TOM1L2: variants seen among roughly 807,000 people sequenced by gnomAD.
The protein encoded by TOM1L2 is TOM1-like protein 2.
A neutral mutation model predicts 67.9 loss-of-function variants in TOM1L2; 31 were observed. That is an observed-to-expected ratio of 0.46 (90% CI 0.34 to 0.62). TOM1L2 has a LOEUF of 0.62. TOM1L2 is among the 20% of genes least tolerant of loss of function. TOM1L2 has a pLI of 0.01. For synonymous variants in TOM1L2, 256 were observed against 254.0 expected (o/e 1.01, Z -0.07); for missense variants, 606 against 663.5 (o/e 0.91, Z 0.95).
intron 1 of TOM1L2, among the ~76,000 whole-genome samples, chr17:17,953,377 GAATT>G (rs2144923297): frequency 6.6e-6 from 1 of 152,344 alleles, no homozygotes; most frequent in South Asian, 2.1e-4. Flanking sequence ...CCTTGAGCAT[GAATT>G]AATCAGGAAG....
chr17:17,866,264 G>C (rs1315912537), intron 10 of TOM1L2, 32 bp downstream of exon 10: 2 of 1,599,322 alleles, frequency 1.3e-6, no homozygotes, highest in African/African-American at 2.7e-5. Context: ...GTAGGAAGTA[G>C]GTAGGCCCTT....
chr17:17,915,780 C>G (rs59948477), intron 1 of TOM1L2, among the ~76,000 whole-genome samples: 6,014 of 151,996 alleles, frequency 0.04, 423 homozygotes, highest in African/African-American at 0.14. Flanking sequence ...CCTTGGCCCC[C>G]CAAAGTACTA....
At position 17,844,052 on chromosome 17, in the gene TOM1L2, A is replaced by G. The variant is rs2236513; in HGVS notation, c.*3583T>C. On this transcript the variant is annotated 3_prime_UTR_variant, in exon 15 of 15. Transcript: ENST00000379504. The stretch of plus-strand genomic sequence containing the variant: ...AACCCAAGTGGGTGAGACGTCCCCA[A>G]AGCCGACAGTGCAGAAGCTCCCAGG... The G allele has an allele frequency of 6.6e-6, 1 of 152,266 alleles. No individual in the cohort carries two copies. The highest frequency in any genetic ancestry group is 1.5e-5 in the Non-Finnish European group (1 of 68,192). 9.4% of individuals were successfully genotyped at this position (152,266 alleles called of 1,614,324 possible).
chr17:17,848,750 A>T (rs956473012), intron 14 of TOM1L2, 73 bp downstream of exon 14: 1 of 1,551,882 alleles, frequency 6.4e-7, no homozygotes. Context: ...CTCCAAGATG[A>T]TGGGGGCTGG....
At chr17:17,851,519 G>C (rs1438697174) in intron 12 of TOM1L2, among the ~76,000 whole-genome samples, 1 of 152,210 alleles carries the variant, frequency 6.6e-6, no homozygotes, top group Admixed American at 6.5e-5. Context: ...AGTGGAGAGG[G>C]GAACTGGAGG....
At chr17:17,853,295 C>A (rs886718349) in intron 12 of TOM1L2, among the ~76,000 whole-genome samples, 1 of 152,202 alleles carries the variant, frequency 6.6e-6, no homozygotes, top group Admixed American at 6.5e-5. Flanking sequence ...TTACACCTGA[C>A]CAGCTTTTGT....
chr17:17,913,055 C>T (rs1055736404), intron 1 of TOM1L2, among the ~76,000 whole-genome samples: 12 of 151,800 alleles, frequency 7.9e-5, no homozygotes, highest in Non-Finnish European at 1.5e-4. Context: ...GGCGTGGCAG[C>T]GGGTGCCTGC....
At position 17,857,362 on chromosome 17, in the gene TOM1L2, C is replaced by T. The variant is rs116142630; in HGVS notation, c.1278+4114G>A. Reference sequence around the variant, plus strand: ...GACTGCCAAATTCACAGGCACTGGGCTACAGAGGGCTTCCCTGACTGGTCA... The same window carrying T: ...GACTGCCAAATTCACAGGCACTGGGTTACAGAGGGCTTCCCTGACTGGTCA... On this transcript the variant is annotated intron_variant, in intron 12 of 14. Transcript: ENST00000379504. Among the ~76,000 whole-genome samples the T allele has an allele frequency of 4.6e-3, 702 of 152,324 alleles. 8 individuals carry two copies. Among genetic ancestry groups the T allele is most frequent in the African/African-American group, 0.016 (682 of 41,570 alleles).
At chr17:17,949,847 TTTTTTA>T (rs1568360757) in intron 1 of TOM1L2, among the ~76,000 whole-genome samples, 1 of 151,828 alleles carries the variant, frequency 6.6e-6, no homozygotes, top group Non-Finnish European at 1.5e-5. Flanking sequence ...TCTCTCTCTA[TTTTTTA>T]TTTTTATTTT....
chr17:17,943,077 T>C (rs185594787), intron 1 of TOM1L2, among the ~76,000 whole-genome samples: 2 of 152,310 alleles, frequency 1.3e-5, no homozygotes, highest in Admixed American at 1.3e-4. Flanking sequence ...GCTTAGAAGC[T>C]GAGTCATGGG....
intron 12 of TOM1L2, among the ~76,000 whole-genome samples, chr17:17,851,501 C>T (rs1372850282): frequency 6.6e-6 from 1 of 152,040 alleles, no homozygotes; most frequent in Non-Finnish European, 1.5e-5. Context: ...CGTCCTGGTG[C>T]ATTTCTGAGT....
chr17:17,942,595 A>C (rs1042975474), intron 1 of TOM1L2, among the ~76,000 whole-genome samples: 2 of 152,112 alleles, frequency 1.3e-5, no homozygotes, highest in African/African-American at 4.8e-5. Flanking sequence ...AAACAACCCT[A>C]TGAGGGAGGT....
intron 12 of TOM1L2, chr17:17,860,022 C>G (rs1157895318): frequency 1.3e-5 from 2 of 152,340 alleles, no homozygotes; most frequent in African/African-American, 2.4e-5. Context: ...AGACCCAGGC[C>G]TGGGCGCTGA....
chr17:17,931,652 G>A (rs978402802), intron 1 of TOM1L2, among the ~76,000 whole-genome samples: 2 of 152,184 alleles, frequency 1.3e-5, no homozygotes, highest in Non-Finnish European at 2.9e-5. Flanking sequence ...CTCAAAAATG[G>A]AGTTGCAGAG....
rs199943147 is a variant in TOM1L2, at chr17:17,898,596, T to C, written c.216A>G (p.Thr72=). Residue 72 remains threonine (T), a splice_region_variant and synonymous_variant, in exon 3 of 15, where the codon ACA becomes ACG. Coordinates refer to ENST00000379504, the MANE Select transcript of TOM1L2 (RefSeq NM_001082968.2). ...RNYREVMLAL[T]VLETCVKNCG... ...TCTCCTCAAGGAGAATAGCACTCAC[T>C]GTTAATGCCAGCATCACCTCTCTGT... The C allele has an allele frequency of 9.1e-5, 147 of 1,614,102 alleles. No individual in the cohort carries two copies. The highest frequency in any genetic ancestry group is 1.5e-5 in the Non-Finnish European group (18 of 1,180,036).
At chr17:17,885,576 G>C (rs74417974) in intron 4 of TOM1L2, among the ~76,000 whole-genome samples, 2,027 of 152,202 alleles carry the variant, frequency 0.013, 21 homozygotes, top group African/African-American at 0.041. Flanking sequence ...AGAGGAAAGA[G>C]CAAAAATTCA....
intron 12 of TOM1L2, chr17:17,860,058 A>G (rs1182202825): frequency 6.6e-6 from 1 of 152,284 alleles, no homozygotes; most frequent in African/African-American, 2.4e-5. Context: ...AGCAGGACAC[A>G]CCCTGGCATG....
At chr17:17,911,065 G>T (rs1275540560) in intron 1 of TOM1L2, among the ~76,000 whole-genome samples, 1 of 152,182 alleles carries the variant, frequency 6.6e-6, no homozygotes, top group Non-Finnish European at 1.5e-5. Flanking sequence ...GGATTGCGAG[G>T]CTCCTCCAAA....
intron 1 of TOM1L2, among the ~76,000 whole-genome samples, chr17:17,942,444 A>T (rs2040772462): frequency 6.6e-6 from 1 of 152,228 alleles, no homozygotes; most frequent in East Asian, 1.9e-4. Flanking sequence ...ATTAAAAACT[A>T]TATACTTCGC....
Sources: allele counts gnomAD v4.1 joint callset (sites outside exome capture counted in the v4.1 genomes callset), GRCh38; gene constraint gnomAD v4.1.1; transcripts MANE v1.5; gene names NCBI Gene and HGNC (gene_info 2026-07-23, HGNC 2026-07-21).